Variants in ADGB observed in about 807,000 individuals in gnomAD.
ADGB encodes calpain-7-like protein.
Under a neutral mutation model 210.5 loss-of-function variants are expected in ADGB, and 172 were observed. The observed-to-expected ratio is 0.82, with a 90% CI of 0.72 to 0.93. The LOEUF (loss-of-function observed/expected upper bound fraction) is 0.93. Among genes scored for constraint, ADGB ranks in the 40% least tolerant of loss-of-function variants. ADGB has a pLI of 0.00. For missense variants in ADGB, 2,025 were observed against 1,964.8 expected, an observed-to-expected ratio of 1.03 and a Z score of -0.58; for synonymous variants, 658 against 662.7, an observed-to-expected ratio of 0.99 and a Z score of 0.11.
intron 27 of ADGB, among the ~76,000 whole-genome samples, chr6:146,755,936 T>G (rs563408332): frequency 6.6e-6 from 1 of 152,274 alleles, no homozygotes; most frequent in Admixed American, 6.5e-5. Flanking sequence ...CTTTTCTACC[T>G]AATATCTGTA....
In ADGB at chr6:146,672,260, A is replaced by G; in HGVS notation, c.880A>G (p.Ile294Val). ...MDKVWELLKE[I>V]LPEFKLSDEA... is the part of the protein sequence containing the mutation. ...CAAAGTTTGGGAGCTCCTGAAAGAA[A>G]TATTGCCTGAGTTTAAGCTGTCAGA... The change falls in exon 8 of 36, where the codon ATA becomes GTA. Residue 294 changes from isoleucine (I) to valine (V), a missense_variant. By Grantham distance (29) the Ile-to-Val change is conservative (BLOSUM62 3). Coordinates refer to ENST00000397944, the MANE Select transcript of ADGB (RefSeq NM_024694.4). 6.5e-7 allele frequency: 1 copy of G among 1,547,416 alleles called. No individual in the cohort carries two copies.
intron 25 of ADGB, 68 bp downstream of exon 25, chr6:146,741,339 C>G: frequency 2.1e-6 from 3 of 1,448,476 alleles, no homozygotes; most frequent in South Asian, 1.3e-5. Flanking sequence ...TGTAGAGGGT[C>G]CTGAAGGGAG....
Position 146,734,041 on chromosome 6 carries a change from C to G in ADGB, c.2794+11C>G, listed in dbSNP as rs1777043466. On this transcript the variant is annotated intron_variant, in intron 22 of 35. Coordinates refer to ENST00000397944, the MANE Select transcript of ADGB (RefSeq NM_024694.4). ...AAGCCAGAATACCAGGTATGATTGT[C>G]CAAACATTTATAAAATGAACTTGTT... 1.2e-5 allele frequency: 18 copies of G among 1,546,386 alleles called. No homozygotes were observed. Among genetic ancestry groups the G allele is most frequent in the Non-Finnish European group, 1.6e-5 (18 of 1,145,118 alleles).
chr6:146,694,433 T>C (rs918531621), intron 12 of ADGB, among the ~76,000 whole-genome samples: 11 of 152,136 alleles, frequency 7.2e-5, no homozygotes, highest in Non-Finnish European at 1.3e-4. Flanking sequence ...ACTAATGCCA[T>C]GCATGCAGGT....
intron 33 of ADGB, among the ~76,000 whole-genome samples, chr6:146,794,155 G>A (rs259401): frequency 0.66 from 100,035 of 152,044 alleles, 33,619 homozygotes; most frequent in African/African-American, 0.79. Flanking sequence ...TAATGTTGGC[G>A]ATTAGGAAGA....
intron 2 of ADGB, 105 bp downstream of exon 2, chr6:146,635,642 T>A: frequency 8.3e-7 from 1 of 1,211,366 alleles, no homozygotes; most frequent in South Asian, 2.1e-5. Flanking sequence ...ATAATGTGCA[T>A]TCAAAAGGGA....
At position 146,782,090 on chromosome 6, in the gene ADGB, A is replaced by G. The variant is rs773762897; in HGVS notation, c.3933A>G (p.Gln1311=). The change falls in exon 30 of 36, where the codon CAA becomes CAG. Residue 1311 remains glutamine (Q), a synonymous_variant. Coordinates refer to ENST00000397944, the MANE Select transcript of ADGB (RefSeq NM_024694.4). ...ACTCCCACACTATTAGTGAGGGACA[A>G]AAATCTTCAGTAACTTCCAAAACAA... ...SPDSHTISEG[Q]KSSVTSKTTR... is the part of the protein sequence containing the mutation. 6.5e-7 allele frequency: 1 copy of G among 1,548,538 alleles called. No individual in the cohort carries two copies. The highest frequency in any genetic ancestry group is 1.2e-5 in the South Asian group (1 of 83,048).
At chr6:146,630,506 G>C (rs907824281) in intron 1 of ADGB, among the ~76,000 whole-genome samples, 2 of 152,066 alleles carry the variant, frequency 1.3e-5, no homozygotes, top group Non-Finnish European at 1.5e-5. Context: ...TCAGGACTTA[G>C]AGGCCAGCCT....
intron 5 of ADGB, 24 bp downstream of exon 5, chr6:146,657,004 A>C: frequency 2.0e-6 from 3 of 1,515,610 alleles, no homozygotes; most frequent in Non-Finnish European, 2.7e-6. Context: ...CGTGTGCATA[A>C]AAACTCATGA....
chr6:146,732,917 C>T (rs957246064), intron 20 of ADGB, among the ~76,000 whole-genome samples: 3 of 152,210 alleles, frequency 2.0e-5, no homozygotes, highest in Admixed American at 6.5e-5. Flanking sequence ...GTAGTGATTA[C>T]ATTTTGTTAA....
intron 9 of ADGB, among the ~76,000 whole-genome samples, chr6:146,683,319 C>A (rs949766119): frequency 6.6e-6 from 1 of 152,008 alleles, no homozygotes; most frequent in South Asian, 2.1e-4. Context: ...GTTCTGGGCC[C>A]CTGAATCTCA....
chr6:146,806,054 GA>G (rs1235805775), intron 35 of ADGB, among the ~76,000 whole-genome samples: 2 of 152,152 alleles, frequency 1.3e-5, no homozygotes, highest in Non-Finnish European at 2.9e-5. Context: ...TCAATGAATG[GA>G]TATTAAAATT....
intron 27 of ADGB, among the ~76,000 whole-genome samples, chr6:146,761,853 C>T (rs1427729537): frequency 6.6e-6 from 1 of 152,080 alleles, no homozygotes; most frequent in Non-Finnish European, 1.5e-5. Context: ...GGTCATACTG[C>T]CACTGAAAGC....
intron 35 of ADGB, chr6:146,803,778 G>A (rs949962235): frequency 1.8e-5 from 11 of 616,472 alleles, no homozygotes; most frequent in Non-Finnish European, 2.2e-5. Context: ...GACAATCAGC[G>A]CCCGGCAGCC....
chr6:146,769,473 G>T (rs1331702912), intron 29 of ADGB, among the ~76,000 whole-genome samples: 1 of 151,952 alleles, frequency 6.6e-6, no homozygotes, highest in Non-Finnish European at 1.5e-5. Context: ...CATATTTTTT[G>T]AGAATATATA....
At chr6:146,725,349 G>T (rs1307024893) in intron 18 of ADGB, 1 of 152,298 alleles carries the variant, frequency 6.6e-6, no homozygotes, top group Non-Finnish European at 1.5e-5. Context: ...GTTAGGAACT[G>T]GGCCATGCAG....
chr6:146,615,893 T>C (rs1053316919), intron 1 of ADGB, among the ~76,000 whole-genome samples: 2 of 152,230 alleles, frequency 1.3e-5, no homozygotes, highest in African/African-American at 4.8e-5. Flanking sequence ...TATATCTTTT[T>C]GATATACTGA....
intron 20 of ADGB, 74 bp downstream of exon 20, chr6:146,728,815 C>T: frequency 8.2e-7 from 1 of 1,215,420 alleles, no homozygotes; most frequent in African/African-American, 1.5e-5. Context: ...CATTAGGTGA[C>T]CTCCCAAATC....
chr6:146,743,839 A>T (rs184645161), intron 25 of ADGB, among the ~76,000 whole-genome samples: 94 of 152,300 alleles, frequency 6.2e-4, no homozygotes, highest in Non-Finnish European at 4.1e-4. Flanking sequence ...ACTTGAACCC[A>T]GAAGACAGAG....
Sources: allele counts gnomAD v4.1 joint callset (sites outside exome capture counted in the v4.1 genomes callset), GRCh38; gene constraint gnomAD v4.1.1; transcripts MANE v1.5; gene names NCBI Gene and HGNC (gene_info 2026-07-23, HGNC 2026-07-21).